The following MAD1L1 variants were observed in gnomAD, a reference collection of about 807,000 sequenced individuals.
The protein encoded by MAD1L1 is mitotic arrest deficient 1 like 1.
A neutral mutation model predicts 96.9 loss-of-function variants in MAD1L1; 95 were observed. The observed-to-expected ratio is 0.98, with a 90% CI of 0.83 to 1.16. MAD1L1 has a LOEUF of 1.16. Ranked by LOEUF, MAD1L1 falls within the 50% of genes most tolerant of loss-of-function variation. The pLI, the probability that MAD1L1 is intolerant of heterozygous loss-of-function variation, is 0.00. For synonymous variants in MAD1L1, 473 were observed against 396.6 expected (o/e 1.19, Z -2.29); for missense variants, 1,007 against 954.4 (o/e 1.06, Z -0.73).
At chr7:2,152,798 C>T (rs746360916) in intron 10 of MAD1L1, among the ~76,000 whole-genome samples, 11 of 152,138 alleles carry the variant, frequency 7.2e-5, no homozygotes, top group South Asian at 2.1e-4. Flanking sequence ...GTGGAAGGGA[C>T]AGGGAGGCTG....
chr7:1,869,659 A>G (rs1356433412), intron 18 of MAD1L1, among the ~76,000 whole-genome samples: 1 of 152,180 alleles, frequency 6.6e-6, no homozygotes, highest in Non-Finnish European at 1.5e-5. Context: ...GGGTAATTTA[A>G]TTAGCCTGCG....
chr7:1,956,409 G>C (rs1161863897), intron 16 of MAD1L1, among the ~76,000 whole-genome samples: 1 of 152,176 alleles, frequency 6.6e-6, no homozygotes, highest in Non-Finnish European at 1.5e-5. Flanking sequence ...CCCTGACCCA[G>C]GGAGGAACAG....
At chr7:1,939,141 C>T (rs1386917491) in intron 16 of MAD1L1, among the ~76,000 whole-genome samples, 1 of 135,704 alleles carries the variant, frequency 7.4e-6, no homozygotes, top group African/African-American at 2.8e-5. Context: ...CGGGCCAGGG[C>T]CGGGACCAGA....
rs573967290 is a variant in MAD1L1 at position 1,950,855 on chromosome 7, C to T, written c.1596+6774G>A. Among the ~76,000 whole-genome samples the T allele has an allele frequency of 2.8e-4, 43 of 152,372 alleles. 1 individual carries two copies. The East Asian group carries it at 5.2e-3, about 18-fold the overall frequency. On this transcript the variant is annotated intron_variant, in intron 16 of 18. Coordinates refer to ENST00000265854, the MANE Select transcript of MAD1L1 (RefSeq NM_001013836.2). ...TCCTGGCTCTGCCACCCGTGCTCCT[C>T]GTTCAGCTCACAGCACATCGCCTGC...
At chr7:1,899,371 G>A (rs911489338) in intron 17 of MAD1L1, among the ~76,000 whole-genome samples, 2 of 152,196 alleles carry the variant, frequency 1.3e-5, no homozygotes, top group African/African-American at 4.8e-5. Context: ...AGCCCTCCAG[G>A]GGCCTGGGAC....
intron 10 of MAD1L1, among the ~76,000 whole-genome samples, chr7:2,189,115 C>A (rs1227788512): frequency 1.3e-5 from 2 of 152,122 alleles, no homozygotes; most frequent in African/African-American, 4.8e-5. Flanking sequence ...CATATCAAAG[C>A]CAGAACAAGA....
chr7:2,038,434 C>T (rs965420106), intron 12 of MAD1L1, among the ~76,000 whole-genome samples: 1 of 149,644 alleles, frequency 6.7e-6, no homozygotes, highest in Non-Finnish European at 1.5e-5. Context: ...GAGGAGAAGT[C>T]GATCCCTGCC....
intron 10 of MAD1L1, among the ~76,000 whole-genome samples, chr7:2,195,917 G>T (rs1463802832): frequency 1.3e-5 from 2 of 152,256 alleles, no homozygotes; most frequent in Non-Finnish European, 2.9e-5. Flanking sequence ...CTTCATGCCC[G>T]CACATGTGCT....
intron 18 of MAD1L1, chr7:1,848,773 G>A (rs1227562197): frequency 6.5e-6 from 1 of 154,410 alleles, no homozygotes; most frequent in Admixed American, 6.5e-5. Flanking sequence ...ATAAGCCAGG[G>A]GCCCTGGAGG....
chr7:1,895,064 T>C (rs1455798607), intron 18 of MAD1L1, among the ~76,000 whole-genome samples: 1 of 151,946 alleles, frequency 6.6e-6, no homozygotes, highest in Non-Finnish European at 1.5e-5. Flanking sequence ...GGAAGAAGGG[T>C]CCCACATCTG....
chr7:2,171,581 G>A (rs1186412801), intron 10 of MAD1L1, among the ~76,000 whole-genome samples: 1 of 151,522 alleles, frequency 6.6e-6, no homozygotes, highest in Non-Finnish European at 1.5e-5. Context: ...CCAGCAGCTG[G>A]AGGGTGGAGA....
chr7:2,218,361 G>T (rs1793405606), intron 6 of MAD1L1, among the ~76,000 whole-genome samples: 1 of 152,168 alleles, frequency 6.6e-6, no homozygotes, highest in Non-Finnish European at 1.5e-5. Context: ...CCTGCCTGCG[G>T]CAACCCCCAG....
intron 11 of MAD1L1, among the ~76,000 whole-genome samples, chr7:2,138,096 G>A (rs56136134): frequency 0.045 from 6,927 of 152,320 alleles, 209 homozygotes; most frequent in African/African-American, 0.073. Flanking sequence ...CTGCACCCAC[G>A]CTGCGCTCTC....
At chr7:1,823,568 G>T (rs1205461252) in intron 18 of MAD1L1, among the ~76,000 whole-genome samples, 2 of 152,184 alleles carry the variant, frequency 1.3e-5, no homozygotes, top group Non-Finnish European at 2.9e-5. Flanking sequence ...AACCCCAAGT[G>T]GGATTCCTGC....
At position 1,882,047 on chromosome 7, in the gene MAD1L1, G is replaced by A. The variant is rs568119892; in HGVS notation, c.1998+16153C>T. 1.9e-4 allele frequency among the ~76,000 whole-genome samples: 29 copies of A among 152,196 alleles called. 1 individual carries two copies. Among genetic ancestry groups the A allele is most frequent in the African/African-American group, 6.3e-4 (26 of 41,510 alleles). ...GGACCGAGAATCACTCTGAGCCTCC[G>A]CCTGCTTGAACCTGGCGGTGGGCAG... On this transcript the variant is annotated intron_variant, in intron 18 of 18. Transcript: ENST00000265854.
At chr7:2,067,079 T>A (rs1784908692) in intron 12 of MAD1L1, among the ~76,000 whole-genome samples, 1 of 152,172 alleles carries the variant, frequency 6.6e-6, no homozygotes, top group African/African-American at 2.4e-5. Flanking sequence ...TGGGCCGATG[T>A]CACTCCCCAG....
At chr7:2,058,926 G>A (rs1784505558) in intron 12 of MAD1L1, among the ~76,000 whole-genome samples, 1 of 91,634 alleles carries the variant, frequency 1.1e-5, no homozygotes, top group African/African-American at 5.2e-5. Flanking sequence ...GCTGGAGAGG[G>A]AGTGTGGCCA....
intron 16 of MAD1L1, 86 bp from the exon 17 acceptor site, chr7:1,936,983 G>T: frequency 3.6e-6 from 4 of 1,098,074 alleles, no homozygotes; most frequent in Non-Finnish European, 5.2e-6. Context: ...CCATGGCCCA[G>T]GAAGACACAC....
chr7:1,866,050 G>A (rs111857159), intron 18 of MAD1L1, among the ~76,000 whole-genome samples: 3,950 of 152,348 alleles, frequency 0.026, 154 homozygotes, highest in African/African-American at 0.09. Context: ...CAAAACTCTT[G>A]GGATAGCCAG....
Sources: gnomAD v4.1 joint callset for allele counts (sites outside exome capture counted in the v4.1 genomes callset) on GRCh38, gnomAD v4.1.1 for gene constraint, MANE v1.5 for transcripts, NCBI Gene and HGNC (gene_info 2026-07-23, HGNC 2026-07-21) for gene names.